EPM2A: variants seen among roughly 807,000 people sequenced by gnomAD.
The protein encoded by EPM2A is laforin.
EPM2A carries 21 observed loss-of-function variants against 26.5 expected under a neutral mutation model. The ratio of observed to expected loss-of-function variants is 0.79; its 90% CI spans 0.56 to 1.14. EPM2A has a LOEUF of 1.14. Among genes scored for constraint, EPM2A ranks in the 50% most tolerant of loss-of-function variants. The pLI is 0.00. For missense variants in EPM2A, 458 were observed against 440.8 expected (o/e 1.04, Z -0.35); for synonymous variants, 217 against 177.6 (o/e 1.22, Z -1.76).
At chr6:145,643,375 C>T (rs1397490047) in intron 2 of EPM2A, among the ~76,000 whole-genome samples, 1 of 152,042 alleles carries the variant, frequency 6.6e-6, no homozygotes, top group African/African-American at 2.4e-5. Context: ...CTTTTGTTTT[C>T]CCTCAAATCT....
downstream of EPM2A, among the ~76,000 whole-genome samples, chr6:145,496,939 T>G (rs79529054): frequency 0.022 from 3,406 of 152,190 alleles, 46 homozygotes; most frequent in Admixed American, 0.031. Flanking sequence ...GGGTTTCACC[T>G]TGTTAGCCCA....
chr6:145,629,103 G>A (rs1035870055), intron 3 of EPM2A: 5 of 152,270 alleles, frequency 3.3e-5, no homozygotes, highest in Non-Finnish European at 7.3e-5. Context: ...TAACCCCCTA[G>A]TGAAGAGATC....
chr6:145,407,569 T>A (rs1778586359), intron 4 of EPM2A, among the ~76,000 whole-genome samples: 1 of 151,996 alleles, frequency 6.6e-6, no homozygotes, highest in Non-Finnish European at 1.5e-5. Context: ...TTGTGAGGAG[T>A]TTTCACAATT....
At chr6:145,731,615 A>G (rs58588227) in intron 1 of EPM2A, among the ~76,000 whole-genome samples, 11,743 of 152,116 alleles carry the variant, frequency 0.077, 1,214 homozygotes, top group African/African-American at 0.23. Context: ...TCACACACCA[A>G]GGCCTGTTGG....
Position 145,535,175 on chromosome 6 carries a change from G to C in EPM2A, c.341-32600C>G, listed in dbSNP as rs866745755. 1.3e-5 allele frequency among the ~76,000 whole-genome samples: 2 copies of C among 152,280 alleles called. 1 individual carries two copies. Among genetic ancestry groups the C allele is most frequent in the Middle Eastern group, 6.8e-3 (2 of 294 alleles). On this transcript the variant is annotated intron_variant, in intron 2 of 3. Coordinates refer to the EPM2A transcript ENST00000450221. ...GCCGCACCCTTGGATCATGAGACAC[G>C]CAGCATTAAACAAGCCAGGCAAGGC...
chr6:145,557,307 C>G (rs1474275988), intron 2 of EPM2A, among the ~76,000 whole-genome samples: 1 of 152,002 alleles, frequency 6.6e-6, no homozygotes, highest in East Asian at 1.9e-4. Context: ...ACGATGTACA[C>G]TATTTGCATG....
chr6:145,506,487 A>G (rs1582808401), intron 2 of EPM2A, among the ~76,000 whole-genome samples: 1 of 152,206 alleles, frequency 6.6e-6, no homozygotes, highest in East Asian at 1.9e-4. Flanking sequence ...AGGAAAGGCA[A>G]GGTAAATTAT....
At chr6:145,509,929 C>T (rs1000792021) in intron 2 of EPM2A, among the ~76,000 whole-genome samples, 12 of 151,992 alleles carry the variant, frequency 7.9e-5, no homozygotes, top group African/African-American at 2.7e-4. Flanking sequence ...GAGTAAATGT[C>T]ACTATTCTTG....
intron 1 of EPM2A, among the ~76,000 whole-genome samples, chr6:145,716,210 C>T (rs1775612458): frequency 6.6e-6 from 1 of 152,202 alleles, no homozygotes; most frequent in African/African-American, 2.4e-5. Context: ...GTTGAATCCA[C>T]AGATGCAGAA....
chr6:145,416,251 G>C (rs1778706288), intron 4 of EPM2A, among the ~76,000 whole-genome samples: 1 of 67,772 alleles, frequency 1.5e-5, no homozygotes, highest in Admixed American at 2.3e-4. Flanking sequence ...AAACAGGCAG[G>C]CTTTTTTTTT....
At chr6:145,541,696 ATACT>A (rs1331096022) in intron 2 of EPM2A, among the ~76,000 whole-genome samples, 1 of 152,168 alleles carries the variant, frequency 6.6e-6, no homozygotes, top group Non-Finnish European at 1.5e-5. Flanking sequence ...AATGAAGAAT[ATACT>A]TGCAATGATG....
At chr6:145,435,467 A>G (rs1024530196) in intron 4 of EPM2A, among the ~76,000 whole-genome samples, 2 of 150,152 alleles carry the variant, frequency 1.3e-5, no homozygotes, top group Admixed American at 6.6e-5. Context: ...ATTTTCATGT[A>G]ATACTTTCAC....
At chr6:145,719,812 A>G (rs970306757) in intron 1 of EPM2A, among the ~76,000 whole-genome samples, 1 of 152,106 alleles carries the variant, frequency 6.6e-6, no homozygotes, top group Non-Finnish European at 1.5e-5. Context: ...AAGTTCTTCC[A>G]TGAGTTGAAT....
chr6:145,631,778 G>C (rs996956122), intron 3 of EPM2A: 1 of 152,034 alleles, frequency 6.6e-6, no homozygotes, highest in Non-Finnish European at 1.5e-5. Context: ...ATAAAAGAGA[G>C]GGGTCAAAAG....
chr6:145,463,886 T>C (rs570986171), intron 4 of EPM2A, among the ~76,000 whole-genome samples: 1 of 152,160 alleles, frequency 6.6e-6, no homozygotes, highest in Non-Finnish European at 1.5e-5. Flanking sequence ...CACCCAAATC[T>C]CATCTCGAAG....
At chr6:145,683,011 C>A (rs1476185413) in intron 2 of EPM2A, among the ~76,000 whole-genome samples, 1 of 152,076 alleles carries the variant, frequency 6.6e-6, no homozygotes, top group Non-Finnish European at 1.5e-5. Context: ...ATGAACATAG[C>A]AAACAGATAG....
intron 2 of EPM2A, among the ~76,000 whole-genome samples, chr6:145,600,522 T>A (rs1781403683): frequency 6.6e-6 from 1 of 152,220 alleles, no homozygotes; most frequent in Non-Finnish European, 1.5e-5. Flanking sequence ...AATATCTGCC[T>A]GATTTGTAGG....
intron 4 of EPM2A, among the ~76,000 whole-genome samples, chr6:145,432,558 T>C (rs905236517): frequency 2.6e-5 from 4 of 151,168 alleles, no homozygotes; most frequent in Admixed American, 2.0e-4. Context: ...AAATAAACCA[T>C]GCTGTAAAGA....
At chr6:145,644,113 GT>G (rs1396176739) in intron 2 of EPM2A, among the ~76,000 whole-genome samples, 12 of 152,044 alleles carry the variant, frequency 7.9e-5, no homozygotes, top group African/African-American at 2.9e-4. Flanking sequence ...CATTGCAATG[GT>G]GCAGTACAGT....
Sources: gnomAD v4.1 joint callset for allele counts (sites outside exome capture counted in the v4.1 genomes callset) on GRCh38, gnomAD v4.1.1 for gene constraint, MANE v1.5 for transcripts, NCBI Gene and HGNC (gene_info 2026-07-23, HGNC 2026-07-21) for gene names.